DOCK4: variants seen among roughly 807,000 people sequenced by gnomAD.
The protein encoded by DOCK4 is dedicator of cytokinesis 4, also known as dedicator of cytokinesis protein 4.
A neutral mutation model predicts 268.1 loss-of-function variants in DOCK4; 97 were observed. The observed-to-expected ratio is 0.36, with a 90% CI of 0.31 to 0.43. The LOEUF (loss-of-function observed/expected upper bound fraction) is 0.43. Ranked by LOEUF, DOCK4 falls within the 20% of genes least tolerant of loss-of-function variation. The pLI, the probability that DOCK4 is intolerant of heterozygous loss-of-function variation, is 1.00. For missense variants in DOCK4, 2,145 were observed against 2,455.7 expected (o/e 0.87, Z 2.67); for synonymous variants, 954 against 887.2 (o/e 1.08, Z -1.34).
intron 12 of DOCK4, among the ~76,000 whole-genome samples, chr7:111,931,897 G>A (rs919488184): frequency 2.6e-5 from 4 of 152,018 alleles, no homozygotes; most frequent in Non-Finnish European, 4.4e-5. Context: ...TCAAACCTAG[G>A]ACATCCTGCT....
At chr7:111,868,371 TAAATTTAAAAG>T (rs1028806448) in intron 21 of DOCK4, among the ~76,000 whole-genome samples, 4 of 152,198 alleles carry the variant, frequency 2.6e-5, no homozygotes, top group Non-Finnish European at 4.4e-5. Context: ...AAAAACACTT[TAAATTTAAAAG>T]AAATTTAAAA....
chr7:111,775,528 T>A (rs2133712229), intron 36 of DOCK4, among the ~76,000 whole-genome samples: 1 of 152,330 alleles, frequency 6.6e-6, no homozygotes, highest in East Asian at 1.9e-4. Context: ...ACTCAAAGAA[T>A]GACCATACCA....
chr7:111,828,250 A>G (rs887314947), intron 26 of DOCK4, among the ~76,000 whole-genome samples: 1 of 152,186 alleles, frequency 6.6e-6, no homozygotes, highest in African/African-American at 2.4e-5. Context: ...TTGCTCCCAC[A>G]TACTTGTGTT....
chr7:111,937,394 T>C (rs1794825608), intron 11 of DOCK4, among the ~76,000 whole-genome samples: 1 of 152,170 alleles, frequency 6.6e-6, no homozygotes, highest in Non-Finnish European at 1.5e-5. Flanking sequence ...TTATCTTCTA[T>C]TAAGAATTAC....
At chr7:111,769,809 C>G in intron 36 of DOCK4, 132 bp from the exon 37 acceptor site, 1 of 1,075,280 alleles carries the variant, frequency 9.3e-7, no homozygotes, top group Non-Finnish European at 1.3e-6. Flanking sequence ...AGAAAAATAT[C>G]CAGAATATAT....
intron 1 of DOCK4, among the ~76,000 whole-genome samples, chr7:112,118,329 T>C (rs370709249): frequency 2.6e-5 from 4 of 152,178 alleles, no homozygotes; most frequent in African/African-American, 9.6e-5. Flanking sequence ...AAGTAATTTA[T>C]TGTCATACTT....
chr7:112,116,370 T>G (rs1812172716), intron 1 of DOCK4, among the ~76,000 whole-genome samples: 1 of 152,244 alleles, frequency 6.6e-6, no homozygotes, highest in African/African-American at 2.4e-5. Context: ...CTCAATAATA[T>G]TCTATTGTAT....
chr7:112,107,546 T>C (rs1422691337), intron 1 of DOCK4, among the ~76,000 whole-genome samples: 3 of 152,238 alleles, frequency 2.0e-5, no homozygotes, highest in Non-Finnish European at 4.4e-5. Context: ...AAATGTCTGT[T>C]GTTTAAGCCA....
At chr7:111,873,469 CAG>C (rs1322601971) in intron 17 of DOCK4, among the ~76,000 whole-genome samples, 2 of 152,178 alleles carry the variant, frequency 1.3e-5, no homozygotes, top group Non-Finnish European at 2.9e-5. Context: ...GAACTGGCCT[CAG>C]GGCTCAGTGG....
At chr7:111,756,183 C>CTT (rs1797006967) in intron 41 of DOCK4, among the ~76,000 whole-genome samples, 1 of 152,008 alleles carries the variant, frequency 6.6e-6, no homozygotes, top group Admixed American at 6.6e-5. Context: ...CGCGTCTCTG[C>CTT]TAAAAATACA....
In DOCK4 at chr7:111,775,002, C is replaced by A. The variant is rs545918429; in HGVS notation, c.3679+3274G>T. Among the ~76,000 whole-genome samples the A allele has an allele frequency of 7.2e-5, 11 of 152,344 alleles. No homozygotes were observed. In the South Asian group the frequency reaches 2.3e-3, roughly 32 times the overall value. Reference sequence around the variant, plus strand: ...TGTTGACTCCTGTTCCAAAGAATAACTCTGCTGACAGTTCAGAGGCAGACA... The same window carrying A: ...TGTTGACTCCTGTTCCAAAGAATAAATCTGCTGACAGTTCAGAGGCAGACA... On this transcript the variant is annotated intron_variant, in intron 36 of 52. Transcript: ENST00000428084.
At chr7:111,796,139 C>T (rs1273285615) in intron 30 of DOCK4, among the ~76,000 whole-genome samples, 2 of 152,164 alleles carry the variant, frequency 1.3e-5, no homozygotes, top group Non-Finnish European at 2.9e-5. Context: ...CCCCAGAGAC[C>T]TTACACCATC....
In DOCK4 at chr7:111,984,339, C is replaced by A. The variant is rs374420579; in HGVS notation, c.516G>T (p.Pro172=). ...AGAGCTCAGTAATGCTGATGTCTTC[C>A]GGATCCACCATTGCGTACTCTTTCC... ...VPRKEYAMVD[P]EDISITELYR... is the part of the protein sequence containing the mutation. The change falls in exon 7 of 53, where the codon CCG becomes CCT. Residue 172 remains proline, a synonymous_variant. Coordinates refer to ENST00000428084, the MANE Select transcript of DOCK4 (RefSeq NM_001363540.2). 3 of 1,613,198 alleles carry A rather than the reference C, an allele frequency of 1.9e-6. No homozygotes were observed. The highest frequency in any genetic ancestry group is 3.3e-4 in the Middle Eastern group (2 of 6,056).
chr7:111,942,937 T>C (rs1047135767), intron 10 of DOCK4, among the ~76,000 whole-genome samples: 1 of 152,164 alleles, frequency 6.6e-6, no homozygotes, highest in African/African-American at 2.4e-5. Flanking sequence ...AAATTAATGT[T>C]TGAGTGCTAT....
chr7:112,173,008 G>A (rs944722138), intron 1 of DOCK4, among the ~76,000 whole-genome samples: 3 of 152,154 alleles, frequency 2.0e-5, no homozygotes, highest in Non-Finnish European at 2.9e-5. Context: ...CACGTCGTGT[G>A]AGCCCTTCAT....
chr7:111,813,399 A>C (rs1214017492), intron 27 of DOCK4, among the ~76,000 whole-genome samples: 1 of 152,210 alleles, frequency 6.6e-6, no homozygotes, highest in Non-Finnish European at 1.5e-5. Context: ...ATCTGCTGGG[A>C]AACTCACTAT....
At chr7:112,170,629 A>G (rs1242204269) in intron 1 of DOCK4, among the ~76,000 whole-genome samples, 1 of 152,226 alleles carries the variant, frequency 6.6e-6, no homozygotes, top group Non-Finnish European at 1.5e-5. Flanking sequence ...AGAATACTCT[A>G]AGAAGGAAAG....
intron 1 of DOCK4, among the ~76,000 whole-genome samples, chr7:112,146,774 T>C (rs925118051): frequency 3.3e-5 from 5 of 152,150 alleles, no homozygotes; most frequent in Non-Finnish European, 5.9e-5. Context: ...TACAGAGATC[T>C]AGGAGGCTTC....
chr7:111,728,705 A>G lies in DOCK4; in HGVS notation c.5497T>C (p.Phe1833Leu). 1.2e-6 allele frequency: 2 copies of G among 1,612,236 alleles called. No homozygotes were observed. Among genetic ancestry groups the G allele is most frequent in the East Asian group, 2.2e-5 (1 of 44,818 alleles). Residue 1833 changes from phenylalanine to leucine, a missense_variant, in exon 53 of 53, where the codon TTC becomes CTC. Physicochemically the swap from Phe to Leu is conservative, Grantham distance 22. Transcript: ENST00000428084. ...RSPLKGSVQS[F>L]TPSPVEYHSP... ...TGGTACTCCACTGGAGAGGGGGTGA[A>G]AGACTGCACAGAGCCCTGCTCCGGG... is the stretch of plus-strand genomic sequence containing the variant.
Sources: allele counts gnomAD v4.1 joint callset (sites outside exome capture counted in the v4.1 genomes callset), GRCh38; gene constraint gnomAD v4.1.1; transcripts MANE v1.5; gene names NCBI Gene and HGNC (gene_info 2026-07-23, HGNC 2026-07-21).